Variants in FSTL4 observed in about 807,000 individuals in gnomAD.
FSTL4 encodes the protein follistatin-related protein 4.
In FSTL4, 28 loss-of-function variants were observed where a neutral mutation model predicts 78.2. The observed-to-expected ratio is 0.36, with a 90% CI of 0.27 to 0.49. The LOEUF (loss-of-function observed/expected upper bound fraction) is 0.49, where lower values mean the gene tolerates loss of function less well. Ranked by LOEUF, FSTL4 falls within the 20% of genes least tolerant of loss-of-function variation. The pLI is 0.98. For missense variants in FSTL4, 922 were observed against 1,084.9 expected (o/e 0.85, Z 2.11); for synonymous variants, 422 against 440.5 (o/e 0.96, Z 0.53).
intron 13 of FSTL4, among the ~76,000 whole-genome samples, chr5:133,213,513 G>A (rs1750810866): frequency 1.3e-5 from 2 of 152,214 alleles, no homozygotes; most frequent in Non-Finnish European, 1.5e-5. Context: ...GAGGAGGGTT[G>A]AAGGAGTTGA....
chr5:133,754,138 T>C, the FSTL4 span, among the ~76,000 whole-genome samples: 1 of 152,128 alleles, frequency 6.6e-6, no homozygotes, highest in South Asian at 2.1e-4. Context: ...ACAAGAGAAT[T>C]TGACTTACAA....
At chr5:133,744,808 T>G in the FSTL4 span, among the ~76,000 whole-genome samples, 1 of 152,186 alleles carries the variant, frequency 6.6e-6, no homozygotes, top group African/African-American at 2.4e-5. Context: ...TTAGAGTATT[T>G]TAAAGATTCC....
chr5:133,737,782 T>C, the FSTL4 span, among the ~76,000 whole-genome samples: 1 of 152,058 alleles, frequency 6.6e-6, no homozygotes, highest in South Asian at 2.1e-4. Context: ...TTTTTGTATT[T>C]TTAGTAGAGA....
chr5:133,604,536 C>G (rs1245795123), intron 1 of FSTL4, among the ~76,000 whole-genome samples: 1 of 152,076 alleles, frequency 6.6e-6, no homozygotes, highest in African/African-American at 2.4e-5. Flanking sequence ...TGGTGAAACC[C>G]GGTCTCTACT....
intron 3 of FSTL4, among the ~76,000 whole-genome samples, chr5:133,502,074 A>C (rs550065434): frequency 6.6e-6 from 1 of 152,198 alleles, no homozygotes; most frequent in African/African-American, 2.4e-5. Context: ...CTTTGGAGGG[A>C]GCACAGCCCT....
chr5:133,561,559 A>G (rs1759913269), intron 3 of FSTL4, among the ~76,000 whole-genome samples: 1 of 152,110 alleles, frequency 6.6e-6, no homozygotes, highest in African/African-American at 2.4e-5. Context: ...CTGGAAGGCT[A>G]CCTGGAAGAG....
intron 3 of FSTL4, among the ~76,000 whole-genome samples, chr5:133,525,235 C>G (rs561217191): frequency 6.6e-6 from 1 of 152,316 alleles, no homozygotes; most frequent in South Asian, 2.1e-4. Flanking sequence ...ACATTCCACC[C>G]CAAACAGAGC....
At chr5:133,565,504 G>A (rs992469390) in intron 3 of FSTL4, among the ~76,000 whole-genome samples, 2 of 152,180 alleles carry the variant, frequency 1.3e-5, no homozygotes, top group African/African-American at 4.8e-5. Flanking sequence ...GTGCACAATA[G>A]GAAGAAAAAA....
chr5:133,635,934 A>G, the FSTL4 span, among the ~76,000 whole-genome samples: 1 of 152,184 alleles, frequency 6.6e-6, no homozygotes, highest in African/African-American at 2.4e-5. Context: ...ACGAATGACC[A>G]TGAGTATGAG....
At position 133,606,207 on chromosome 5, in the gene FSTL4, G is replaced by A. The variant is rs1317257969; in HGVS notation, c.-10-2214C>T. On this transcript the variant is annotated intron_variant, in intron 1 of 15. Transcript: ENST00000265342. Reference sequence around the variant, plus strand: ...GCGATCTCGGCTCACTGCAACCTCCGCCTCCTGGGTTCAAGTGATTCTCCT... The same window carrying A: ...GCGATCTCGGCTCACTGCAACCTCCACCTCCTGGGTTCAAGTGATTCTCCT... Among the ~76,000 whole-genome samples, 4 of 152,168 alleles carry A rather than the reference G, an allele frequency of 2.6e-5. No individual in the cohort carries two copies. The Middle Eastern group carries it at 0.01, about 388-fold the overall frequency.
At chr5:133,702,650 T>C in the FSTL4 span, among the ~76,000 whole-genome samples, 1 of 152,244 alleles carries the variant, frequency 6.6e-6, no homozygotes, top group Admixed American at 6.5e-5. Context: ...GAAGAAAGTA[T>C]GCTTTTATAG....
At chr5:133,533,728 G>C (rs1759300639) in intron 3 of FSTL4, among the ~76,000 whole-genome samples, 2 of 152,122 alleles carry the variant, frequency 1.3e-5, no homozygotes, top group African/African-American at 4.8e-5. Context: ...TCCCACATTG[G>C]AAATGAGTCA....
At chr5:133,411,721 A>G (rs1756480987) in intron 3 of FSTL4, among the ~76,000 whole-genome samples, 1 of 152,188 alleles carries the variant, frequency 6.6e-6, no homozygotes, top group South Asian at 2.1e-4. Context: ...ATAATAAGAC[A>G]AGACAATGAA....
At chr5:133,317,846 T>C (rs1478016296) in intron 4 of FSTL4, among the ~76,000 whole-genome samples, 1 of 152,210 alleles carries the variant, frequency 6.6e-6, no homozygotes, top group Non-Finnish European at 1.5e-5. Flanking sequence ...CATAACATGA[T>C]AGCTACTCTC....
chr5:133,500,581 T>C (rs993859705), intron 3 of FSTL4, among the ~76,000 whole-genome samples: 3 of 152,142 alleles, frequency 2.0e-5, no homozygotes, highest in African/African-American at 7.2e-5. Flanking sequence ...TCATGTCATC[T>C]TGGGGGTACA....
At chr5:133,638,599 C>G in the FSTL4 span, among the ~76,000 whole-genome samples, 1 of 152,154 alleles carries the variant, frequency 6.6e-6, no homozygotes, top group Non-Finnish European at 1.5e-5. Context: ...CTCAATGAAG[C>G]CTTTTCTGAC....
chr5:133,483,149 C>T (rs1295296657), intron 3 of FSTL4, among the ~76,000 whole-genome samples: 1 of 152,176 alleles, frequency 6.6e-6, no homozygotes, highest in African/African-American at 2.4e-5. Flanking sequence ...TTCCCCTGCA[C>T]AAACTCTTGC....
chr5:133,836,341 T>C, the FSTL4 span, among the ~76,000 whole-genome samples: 1 of 152,206 alleles, frequency 6.6e-6, no homozygotes, highest in Non-Finnish European at 1.5e-5. Context: ...TTATAGTGCA[T>C]ACCCTATATT....
At chr5:133,527,498 CA>C (rs374418715) in intron 3 of FSTL4, among the ~76,000 whole-genome samples, 69 of 72,158 alleles carry the variant, frequency 9.6e-4, no homozygotes, top group Middle Eastern at 6.7e-3. Flanking sequence ...CACACACACA[CA>C]CACCCATAAG....
Sources: gnomAD v4.1 joint callset for allele counts (sites outside exome capture counted in the v4.1 genomes callset) on GRCh38, gnomAD v4.1.1 for gene constraint, MANE v1.5 for transcripts, NCBI Gene and HGNC (gene_info 2026-07-23, HGNC 2026-07-21) for gene names.